The following ZNF682 variants were observed in gnomAD, a reference collection of about 807,000 sequenced individuals.
ZNF682 encodes zinc finger protein 682.
ZNF682 carries 29 observed loss-of-function variants against 36.5 expected under a neutral mutation model. That is an observed-to-expected ratio of 0.80 (90% CI 0.59 to 1.08). The LOEUF (loss-of-function observed/expected upper bound fraction) is 1.08, where lower values mean the gene tolerates loss of function less well. ZNF682 is among the 50% of genes least tolerant of loss of function. The probability of loss-of-function intolerance (pLI) is 0.00; values close to 1 mark genes in which losing one functional copy is unlikely to be tolerated. For synonymous variants in ZNF682, 180 were observed against 197.0 expected, an observed-to-expected ratio of 0.91 and a Z score of 0.72; for missense variants, 561 against 579.7, an observed-to-expected ratio of 0.97 and a Z score of 0.33.
chr19:20,027,476 G>A (rs964688867), intron 1 of ZNF682, among the ~76,000 whole-genome samples: 47 of 152,314 alleles, frequency 3.1e-4, no homozygotes, highest in South Asian at 8.3e-4. Context: ...ACAAAGCCTG[G>A]GGGCTAGGCG....
At chr19:20,011,773 C>T (rs1049165712) in intron 3 of ZNF682, among the ~76,000 whole-genome samples, 9 of 152,090 alleles carry the variant, frequency 5.9e-5, no homozygotes, top group Non-Finnish European at 1.3e-4. Flanking sequence ...CGTGGTGGCT[C>T]ATGTCTGCAA....
At chr19:20,010,307 A>G (rs765670220) in intron 3 of ZNF682, among the ~76,000 whole-genome samples, 9 of 152,202 alleles carry the variant, frequency 5.9e-5, no homozygotes, top group Non-Finnish European at 1.3e-4. Context: ...TGAAGGGAAC[A>G]AAAACTAAGA....
chr19:20,026,909 A>C (rs1044156852), intron 1 of ZNF682, among the ~76,000 whole-genome samples: 1 of 152,234 alleles, frequency 6.6e-6, no homozygotes, highest in Non-Finnish European at 1.5e-5. Flanking sequence ...CTTAACTACT[A>C]TAGTAAGAAG....
downstream of ZNF682, among the ~76,000 whole-genome samples, chr19:20,002,436 C>A (rs1324942335): frequency 1.3e-5 from 2 of 152,202 alleles, no homozygotes; most frequent in East Asian, 3.9e-4. Context: ...CTCAGGCCCA[C>A]TTAGATATTT....
At chr19:20,011,115 A>G (rs1362110579) in intron 3 of ZNF682, among the ~76,000 whole-genome samples, 1 of 152,202 alleles carries the variant, frequency 6.6e-6, no homozygotes, top group Non-Finnish European at 1.5e-5. Flanking sequence ...AAAAAGTAAC[A>G]TCTATCACAC....
chr19:20,036,892 G>A (rs1212875322), intron 1 of ZNF682, among the ~76,000 whole-genome samples: 2 of 151,464 alleles, frequency 1.3e-5, no homozygotes, highest in Non-Finnish European at 2.9e-5. Context: ...GGCTGAGGTA[G>A]CAAGACTGCT....
At chr19:20,007,322 CA>C (rs765939518) in intron 3 of ZNF682, 47 bp from the exon 4 acceptor site, 2 of 1,480,754 alleles carry the variant, frequency 1.4e-6, no homozygotes, top group Non-Finnish European at 1.8e-6. Flanking sequence ...TTTTCAGACT[CA>C]GATACATATA....
At chr19:20,019,397 T>C (rs1409636318) in intron 3 of ZNF682, among the ~76,000 whole-genome samples, 2 of 152,224 alleles carry the variant, frequency 1.3e-5, no homozygotes, top group African/African-American at 4.8e-5. Context: ...TGGAAAATCC[T>C]ATTTGATACT....
chr19:20,001,124 T>C (rs1377634108), downstream of ZNF682, among the ~76,000 whole-genome samples: 3 of 152,244 alleles, frequency 2.0e-5, no homozygotes, highest in African/African-American at 7.2e-5. Flanking sequence ...GGAAAGTCTC[T>C]GTTCACATAC....
intron 1 of ZNF682, among the ~76,000 whole-genome samples, chr19:20,029,847 A>C (rs10419467): frequency 0.78 from 118,455 of 151,674 alleles, 46,392 homozygotes; most frequent in Middle Eastern, 0.87. Flanking sequence ...AAGACCAAAA[A>C]TATTTAGTTA....
intron 1 of ZNF682, among the ~76,000 whole-genome samples, chr19:20,025,274 A>G (rs1220150644): frequency 6.6e-6 from 1 of 152,254 alleles, no homozygotes; most frequent in African/African-American, 2.4e-5. Context: ...TGGTTTATGT[A>G]CATCAGTCAG....
intron 1 of ZNF682, among the ~76,000 whole-genome samples, chr19:20,028,048 T>C (rs562461994): frequency 6.6e-6 from 1 of 152,174 alleles, no homozygotes; most frequent in Non-Finnish European, 1.5e-5. Flanking sequence ...CAGGCCAACA[T>C]AATCCGTCGA....
At chr19:20,002,370 C>T (rs185940622), downstream of ZNF682, among the ~76,000 whole-genome samples, 22 of 152,056 alleles carry the variant, frequency 1.4e-4, no homozygotes, top group Admixed American at 1.3e-3. Flanking sequence ...TTCTTTTAGC[C>T]GATCTTTGTC....
At chr19:20,032,182 G>T (rs1055999771) in intron 1 of ZNF682, among the ~76,000 whole-genome samples, 3 of 152,170 alleles carry the variant, frequency 2.0e-5, no homozygotes, top group Non-Finnish European at 4.4e-5. Context: ...CCAGGGCCTG[G>T]ATTCAAATTT....
intron 1 of ZNF682, among the ~76,000 whole-genome samples, chr19:20,029,227 C>T (rs1048963184): frequency 2.0e-5 from 3 of 151,378 alleles, no homozygotes; most frequent in Non-Finnish European, 2.9e-5. Flanking sequence ...GATCTGCCTG[C>T]GCCCCGGCCT....
chr19:20,020,750 A>G (rs1212358663), intron 3 of ZNF682, among the ~76,000 whole-genome samples: 1 of 152,212 alleles, frequency 6.6e-6, no homozygotes, highest in Non-Finnish European at 1.5e-5. Context: ...AATCCTGCCA[A>G]CATTTCAACA....
At chr19:20,012,316 G>C (rs1229147794) in intron 3 of ZNF682, among the ~76,000 whole-genome samples, 4 of 151,914 alleles carry the variant, frequency 2.6e-5, no homozygotes, top group Non-Finnish European at 4.4e-5. Context: ...AGATAAACAA[G>C]ATCACTAGAT....
intron 3 of ZNF682, among the ~76,000 whole-genome samples, chr19:20,014,817 C>T (rs545206577): frequency 3.4e-5 from 5 of 149,178 alleles, no homozygotes; most frequent in South Asian, 4.3e-4. Context: ...CTAACATGTA[C>T]GATAAAGAGA....
chr19:20,022,051 T>C (rs1353208616), intron 3 of ZNF682, among the ~76,000 whole-genome samples: 1 of 151,504 alleles, frequency 6.6e-6, no homozygotes, highest in Non-Finnish European at 1.5e-5. Context: ...ACGCCTGTAA[T>C]ACCAGCTACT....
Sources: allele counts gnomAD v4.1 joint callset (sites outside exome capture counted in the v4.1 genomes callset), GRCh38; gene constraint gnomAD v4.1.1; transcripts MANE v1.5; gene names NCBI Gene and HGNC (gene_info 2026-07-23, HGNC 2026-07-21).